TMCO5A: variants seen among roughly 807,000 people sequenced by gnomAD.
The protein encoded by TMCO5A is transmembrane and coiled-coil domains 5A.
A neutral mutation model predicts 42.3 loss-of-function variants in TMCO5A; 34 were observed. The ratio of observed to expected loss-of-function variants is 0.80; its 90% CI spans 0.61 to 1.07. TMCO5A has a LOEUF of 1.07. TMCO5A is among the 50% of genes least tolerant of loss of function. The pLI is 0.00. For missense variants in TMCO5A, 357 were observed against 327.9 expected, an observed-to-expected ratio of 1.09 and a Z score of -0.69; for synonymous variants, 131 against 115.6, an observed-to-expected ratio of 1.13 and a Z score of -0.86.
At chr15:38,037,969 C>T in the TMCO5A span, among the ~76,000 whole-genome samples, 17 of 150,942 alleles carry the variant, frequency 1.1e-4, no homozygotes, top group East Asian at 2.5e-3. Flanking sequence ...GCCAAGATCA[C>T]GCCATCACAC....
At chr15:37,978,757 C>T in the TMCO5A span, among the ~76,000 whole-genome samples, 1 of 152,040 alleles carries the variant, frequency 6.6e-6, no homozygotes, top group Non-Finnish European at 1.5e-5. Context: ...CTTGTACTGC[C>T]ATAAAGAAAT....
chr15:37,974,682 CT>C, the TMCO5A span, among the ~76,000 whole-genome samples: 4 of 151,626 alleles, frequency 2.6e-5, no homozygotes, highest in Non-Finnish European at 5.9e-5. Flanking sequence ...TAATCTTATT[CT>C]TTCAAAAAAC....
chr15:38,022,890 AAAG>A, the TMCO5A span, among the ~76,000 whole-genome samples: 1 of 152,118 alleles, frequency 6.6e-6, no homozygotes, highest in African/African-American at 2.4e-5. Context: ...AAATCAATAT[AAAG>A]AAAGTATGAA....
intron 11 of TMCO5A, among the ~76,000 whole-genome samples, chr15:37,963,501 T>C (rs928807491): frequency 1.3e-5 from 2 of 152,230 alleles, no homozygotes; most frequent in Non-Finnish European, 2.9e-5. Context: ...AAGTTCCATG[T>C]GCTGTTGAAT....
intron 10 of TMCO5A, chr15:37,944,496 TG>T (rs1889863819): frequency 6.6e-6 from 1 of 152,142 alleles, no homozygotes; most frequent in African/African-American, 2.4e-5. Context: ...GCCTGAGAAC[TG>T]ACTGTTTGGC....
the TMCO5A span, among the ~76,000 whole-genome samples, chr15:38,031,059 A>G: frequency 6.6e-6 from 1 of 152,140 alleles, no homozygotes; most frequent in East Asian, 1.9e-4. Flanking sequence ...GGCATATCAA[A>G]GCTCCACCAT....
the TMCO5A span, among the ~76,000 whole-genome samples, chr15:38,007,934 T>A: frequency 2.4e-5 from 3 of 127,494 alleles, no homozygotes; most frequent in Non-Finnish European, 4.8e-5. Context: ...CTCTCTCTGT[T>A]GCCCAGGCTG....
At chr15:38,012,137 A>G in the TMCO5A span, among the ~76,000 whole-genome samples, 1 of 148,674 alleles carries the variant, frequency 6.7e-6, no homozygotes, top group African/African-American at 2.5e-5. Flanking sequence ...AAAAAAAGAA[A>G]AAAAGAAAAG....
At chr15:37,951,850 C>T (rs573557393), downstream of TMCO5A, among the ~76,000 whole-genome samples, 23 of 152,126 alleles carry the variant, frequency 1.5e-4, no homozygotes, top group Non-Finnish European at 2.9e-4. Flanking sequence ...TGCTGAGACA[C>T]GGAAGAGATA....
chr15:38,012,915 G>A, the TMCO5A span, among the ~76,000 whole-genome samples: 8 of 152,232 alleles, frequency 5.3e-5, no homozygotes, highest in South Asian at 8.3e-4. Flanking sequence ...GATTACCTGA[G>A]GTCTGAATGA....
intron 11 of TMCO5A, among the ~76,000 whole-genome samples, chr15:37,962,826 G>T (rs541960628): frequency 6.6e-5 from 10 of 151,982 alleles, no homozygotes; most frequent in South Asian, 4.2e-4. Flanking sequence ...GTTTATATGT[G>T]TAAAGGTGTT....
At chr15:37,984,360 G>A in the TMCO5A span, among the ~76,000 whole-genome samples, 1 of 152,136 alleles carries the variant, frequency 6.6e-6, no homozygotes, top group African/African-American at 2.4e-5. Context: ...AATGTCATGA[G>A]ACTCTGAAAT....
At chr15:38,012,246 A>G in the TMCO5A span, among the ~76,000 whole-genome samples, 2 of 152,164 alleles carry the variant, frequency 1.3e-5, no homozygotes, top group African/African-American at 2.4e-5. Flanking sequence ...CTTGCTCTCA[A>G]TGGTCACTCC....
At chr15:38,026,477 T>C in the TMCO5A span, among the ~76,000 whole-genome samples, 1 of 152,204 alleles carries the variant, frequency 6.6e-6, no homozygotes, top group Non-Finnish European at 1.5e-5. Flanking sequence ...AGATGTGACT[T>C]GGGTGCTGTT....
chr15:38,036,652 T>C, the TMCO5A span, among the ~76,000 whole-genome samples: 2,395 of 151,938 alleles, frequency 0.016, 48 homozygotes, highest in African/African-American at 0.048. Context: ...CCGCCACCAC[T>C]CCCTCATACA....
At chr15:37,966,556 A>C (rs1890561800) in intron 11 of TMCO5A, 2 of 702,538 alleles carry the variant, frequency 2.8e-6, no homozygotes, top group Non-Finnish European at 5.2e-6. Context: ...TTGGGGCTTT[A>C]GGCAAGGCTA....
Position 37,951,308 on chromosome 15 carries a change from T to C in TMCO5A, c.*74T>C, listed in dbSNP as rs1890151291. ...CTGTAGAAGGGAGGCATGAAACTTG[T>C]GGAGGAAAGAGATTTGCTTCAGTTT... is the stretch of plus-strand genomic sequence containing the variant. On this transcript the variant is annotated 3_prime_UTR_variant, in exon 12 of 12. Transcript: ENST00000319669. The C allele has an allele frequency of 8.3e-6, 12 of 1,445,806 alleles. No individual in the cohort carries two copies. Among genetic ancestry groups the C allele is most frequent in the African/African-American group, 1.4e-5 (1 of 70,936 alleles). The allele number at this position is 1,445,806 out of a possible 1,614,324, so 89.6% of individuals were successfully genotyped here. A position where few individuals can be genotyped will look rare whatever the true frequency, so the allele number is the denominator to read the frequency against.
chr15:38,027,533 T>G, the TMCO5A span, among the ~76,000 whole-genome samples: 2 of 152,166 alleles, frequency 1.3e-5, no homozygotes, highest in East Asian at 1.9e-4. Context: ...GATGAGACTT[T>G]GGACTGTGGG....
At chr15:37,983,811 G>A in the TMCO5A span, among the ~76,000 whole-genome samples, 14 of 149,066 alleles carry the variant, frequency 9.4e-5, no homozygotes, top group African/African-American at 3.2e-4. Flanking sequence ...TGCAACCTCC[G>A]CTTCCCAGAT....
Sources: gnomAD v4.1 joint callset for allele counts (sites outside exome capture counted in the v4.1 genomes callset) on GRCh38, gnomAD v4.1.1 for gene constraint, MANE v1.5 for transcripts, NCBI Gene and HGNC (gene_info 2026-07-23, HGNC 2026-07-21) for gene names.